GRM8: variants seen among roughly 807,000 people sequenced by gnomAD.
The protein encoded by GRM8 is metabotropic glutamate receptor 8.
A neutral mutation model predicts 87.2 loss-of-function variants in GRM8; 47 were observed. The ratio of observed to expected loss-of-function variants is 0.54; its 90% CI spans 0.43 to 0.69. The LOEUF is 0.69. Ranked by LOEUF, GRM8 falls within the 30% of genes least tolerant of loss-of-function variation. The pLI, the probability that GRM8 is intolerant of heterozygous loss-of-function variation, is 0.00. For synonymous variants in GRM8, 396 were observed against 404.5 expected, an observed-to-expected ratio of 0.98 and a Z score of 0.25; for missense variants, 1,019 against 1,139.2, an observed-to-expected ratio of 0.89 and a Z score of 1.52.
chr7:126,796,562 C>T (rs1821973774), intron 6 of GRM8, among the ~76,000 whole-genome samples: 1 of 151,928 alleles, frequency 6.6e-6, no homozygotes, highest in African/African-American at 2.4e-5. Flanking sequence ...AGGGGAGTGG[C>T]TCATAGGAAC....
At chr7:126,937,380 C>T (rs562360862) in intron 3 of GRM8, among the ~76,000 whole-genome samples, 24 of 152,282 alleles carry the variant, frequency 1.6e-4, no homozygotes, top group African/African-American at 5.5e-4. Context: ...GGAATTTTTG[C>T]GGGTATTACA....
At chr7:126,594,201 T>C (rs543538752) in intron 8 of GRM8, among the ~76,000 whole-genome samples, 2 of 152,078 alleles carry the variant, frequency 1.3e-5, no homozygotes, top group South Asian at 4.2e-4. Flanking sequence ...AAATTAAAAA[T>C]AGAAATACCA....
At chr7:126,720,801 C>T (rs1190134757) in intron 7 of GRM8, among the ~76,000 whole-genome samples, 1 of 152,090 alleles carries the variant, frequency 6.6e-6, no homozygotes, top group African/African-American at 2.4e-5. Context: ...TTTTACAAAA[C>T]AGGAAAATGA....
intron 7 of GRM8, among the ~76,000 whole-genome samples, chr7:126,673,808 G>T (rs895864249): frequency 6.6e-6 from 1 of 152,106 alleles, no homozygotes; most frequent in African/African-American, 2.4e-5. Flanking sequence ...TAGTGGGAGA[G>T]GTAGACTATA....
chr7:126,769,864 C>T lies in GRM8; in HGVS notation c.1357+1G>A. 1 of 1,543,666 alleles carries T rather than the reference C, an allele frequency of 6.5e-7. No homozygotes were observed. Among genetic ancestry groups the T allele is most frequent in the Non-Finnish European group, 8.9e-7 (1 of 1,124,138 alleles). ...TTAGACACACACACGTTGTAACTTA[C>T]CATTAAAATTTACAGCCCGAATATA... On this transcript the variant is annotated splice_donor_variant, in intron 7 of 10. Transcript: ENST00000339582. LOFTEE classifies it high-confidence loss of function.
intron 9 of GRM8, among the ~76,000 whole-genome samples, chr7:126,497,693 T>C (rs1343553477): frequency 2.0e-5 from 3 of 151,990 alleles, no homozygotes; most frequent in African/African-American, 7.2e-5. Flanking sequence ...CATTACAATC[T>C]TTCTGTAAAT....
At chr7:126,473,062 A>C (rs763806614) in intron 9 of GRM8, among the ~76,000 whole-genome samples, 5 of 152,208 alleles carry the variant, frequency 3.3e-5, no homozygotes, top group Non-Finnish European at 7.3e-5. Flanking sequence ...CTGCTAAGGC[A>C]GTATGGAAGG....
intron 9 of GRM8, among the ~76,000 whole-genome samples, chr7:126,474,780 T>G: frequency 6.6e-6 from 1 of 152,142 alleles, no homozygotes; most frequent in East Asian, 1.9e-4. Flanking sequence ...TATCATTCAT[T>G]CAGCAAAATC....
rs1414070699 is a variant in GRM8 at position 126,545,416 on chromosome 7, C to CCATTGAGTTATGT, written c.1495-11542_1495-11530dup. 4.6e-5 allele frequency among the ~76,000 whole-genome samples: 7 copies of CCATTGAGTTATGT among 152,088 alleles called. No individual in the cohort carries two copies. The East Asian group carries it at 1.2e-3, about 25-fold the overall frequency. On this transcript the variant is annotated intron_variant, in intron 8 of 10. Coordinates refer to ENST00000339582, the MANE Select transcript of GRM8 (RefSeq NM_000845.3). The stretch of plus-strand genomic sequence containing the variant: ...ACAGAGTGACCATTTTTAATTGAAG[C>CCATTGAGTTATGT]CATTGAGTTATGTTTTTGTTACTAT...
chr7:126,632,855 G>A (rs771250617), intron 7 of GRM8, among the ~76,000 whole-genome samples: 1 of 152,050 alleles, frequency 6.6e-6, no homozygotes, highest in Non-Finnish European at 1.5e-5. Flanking sequence ...AGACATGGGG[G>A]AACAACACAC....
intron 6 of GRM8, among the ~76,000 whole-genome samples, chr7:126,856,538 T>C (rs1797699420): frequency 1.3e-5 from 2 of 152,224 alleles, no homozygotes; most frequent in South Asian, 4.1e-4. Flanking sequence ...TGTTACATCG[T>C]GATATCTTCC....
At chr7:126,748,377 A>G (rs1815964648) in intron 7 of GRM8, among the ~76,000 whole-genome samples, 1 of 152,214 alleles carries the variant, frequency 6.6e-6, no homozygotes, top group Non-Finnish European at 1.5e-5. Flanking sequence ...TATTTTTTAA[A>G]TAATTGCACT....
chr7:127,002,667 A>G (rs1469938802), intron 3 of GRM8, among the ~76,000 whole-genome samples: 1 of 151,720 alleles, frequency 6.6e-6, no homozygotes, highest in Non-Finnish European at 1.5e-5. Context: ...TGACCAGGAC[A>G]GTCCACTAAT....
At chr7:126,829,171 A>G (rs1795107705) in intron 6 of GRM8, among the ~76,000 whole-genome samples, 3 of 149,470 alleles carry the variant, frequency 2.0e-5, no homozygotes, top group Admixed American at 1.3e-4. Context: ...AAAAAAATGT[A>G]TATTCTGTTG....
chr7:126,559,150 C>CTTTTTT (rs551929723), intron 8 of GRM8, among the ~76,000 whole-genome samples: 2 of 122,036 alleles, frequency 1.6e-5, no homozygotes, highest in African/African-American at 3.1e-5. Flanking sequence ...TAATCTTTTG[C>CTTTTTT]TTTTTTTTTT....
At chr7:126,909,316 G>T (rs191979892) in intron 3 of GRM8, among the ~76,000 whole-genome samples, 1 of 152,222 alleles carries the variant, frequency 6.6e-6, no homozygotes, top group Non-Finnish European at 1.5e-5. Flanking sequence ...AGACCTCAAA[G>T]ATACGTTTTC....
chr7:126,769,867 T>C lies in GRM8; in HGVS notation c.1355A>G (p.Asn452Ser). 6.4e-7 allele frequency: 1 copy of C among 1,553,546 alleles called. No individual in the cohort carries two copies. Among genetic ancestry groups the C allele is most frequent in the Non-Finnish European group, 8.8e-7 (1 of 1,135,356 alleles). Residue 452 changes from asparagine (N) to serine (S), a missense_variant and splice_region_variant, in exon 7 of 11, where the codon AAT (asparagine) becomes AGT (serine). Coordinates refer to ENST00000339582, the MANE Select transcript of GRM8 (RefSeq NM_000845.3). ...GACACACACACGTTGTAACTTACCA[T>C]TAAAATTTACAGCCCGAATATAACC... ...LLGYIRAVNFNGSAGTPVTFN... is the reference protein window; with the variant it reads ...LLGYIRAVNFSGSAGTPVTFN...
chr7:127,056,869 T>C (rs1820047598), intron 3 of GRM8, among the ~76,000 whole-genome samples: 1 of 152,224 alleles, frequency 6.6e-6, no homozygotes, highest in Non-Finnish European at 1.5e-5. Flanking sequence ...GAAATTTTGG[T>C]ACATTTTTAC....
chr7:126,940,312 G>T (rs940186606), intron 3 of GRM8, among the ~76,000 whole-genome samples: 1 of 152,016 alleles, frequency 6.6e-6, no homozygotes, highest in Non-Finnish European at 1.5e-5. Context: ...GTTTCCTCTT[G>T]CAGGTTTCTG....
Sources: gnomAD v4.1 joint callset for allele counts (sites outside exome capture counted in the v4.1 genomes callset) on GRCh38, gnomAD v4.1.1 for gene constraint, MANE v1.5 for transcripts, NCBI Gene and HGNC (gene_info 2026-07-23, HGNC 2026-07-21) for gene names.